Variants in MACROD2 observed in about 807,000 individuals in gnomAD.
MACROD2 encodes the protein ADP-ribose glycohydrolase MACROD2.
In MACROD2, 36 loss-of-function variants were observed where a neutral mutation model predicts 70.4. The ratio of observed to expected loss-of-function variants is 0.51; its 90% confidence interval spans 0.39 to 0.68. MACROD2 has a LOEUF of 0.68. Among genes scored for constraint, MACROD2 ranks in the 30% least tolerant of loss-of-function variants. The pLI, the probability that MACROD2 is intolerant of heterozygous loss-of-function variation, is 0.00. For synonymous variants in MACROD2, 172 were observed against 178.8 expected, an observed-to-expected ratio of 0.96 and a Z score of 0.30; for missense variants, 496 against 538.4, an observed-to-expected ratio of 0.92 and a Z score of 0.78.
intron 6 of MACROD2, among the ~76,000 whole-genome samples, chr20:15,391,623 T>G (rs1263408539): frequency 6.6e-6 from 1 of 152,230 alleles, no homozygotes; most frequent in Admixed American, 6.5e-5. Context: ...TTGGGATTTC[T>G]GGGAAGTCAC....
At chr20:14,621,998 C>T (rs1186473645) in intron 4 of MACROD2, 1 of 151,988 alleles carries the variant, frequency 6.6e-6, no homozygotes, top group Non-Finnish European at 1.5e-5. Context: ...TAAAATAATT[C>T]CTGCTTACCT....
chr20:15,941,269 A>G (rs1267133829), intron 12 of MACROD2, among the ~76,000 whole-genome samples: 2 of 152,166 alleles, frequency 1.3e-5, no homozygotes, highest in Non-Finnish European at 2.9e-5. Flanking sequence ...CTATTAACCT[A>G]TTTACTTAGG....
intron 3 of MACROD2, among the ~76,000 whole-genome samples, chr20:14,482,185 A>G (rs1377033378): frequency 4.6e-5 from 7 of 151,866 alleles, no homozygotes; most frequent in Admixed American, 1.3e-4. Flanking sequence ...CAGCTTCTGC[A>G]TGAGCCAGCA....
intron 5 of MACROD2, among the ~76,000 whole-genome samples, chr20:14,897,670 A>G (rs1199511768): frequency 6.6e-6 from 1 of 152,198 alleles, no homozygotes; most frequent in Non-Finnish European, 1.5e-5. Flanking sequence ...ATGGGGCAGA[A>G]AGGCAGAAGA....
intron 5 of MACROD2, among the ~76,000 whole-genome samples, chr20:15,102,404 A>T (rs562074421): frequency 6.6e-6 from 1 of 152,114 alleles, no homozygotes; most frequent in East Asian, 1.9e-4. Context: ...ATTTGAAGAC[A>T]CACAAATCCT....
chr20:14,133,043 A>G (rs563856090), intron 3 of MACROD2, among the ~76,000 whole-genome samples: 10 of 152,306 alleles, frequency 6.6e-5, no homozygotes, highest in African/African-American at 1.9e-4. Context: ...ACATGATCAC[A>G]TGATTATGGA....
intron 3 of MACROD2, among the ~76,000 whole-genome samples, chr20:14,171,304 T>G (rs934768916): frequency 5.3e-5 from 8 of 152,190 alleles, no homozygotes; most frequent in Non-Finnish European, 4.4e-5. Context: ...TTTTGTTTTA[T>G]TTATCTTTTG....
intron 5 of MACROD2, among the ~76,000 whole-genome samples, chr20:14,763,780 G>A (rs191657116): frequency 2.6e-5 from 4 of 152,194 alleles, no homozygotes; most frequent in South Asian, 2.1e-4. Context: ...ACTGCCTATC[G>A]GATAGCTGAG....
chr20:15,711,821 G>A (rs2050633913), intron 8 of MACROD2, among the ~76,000 whole-genome samples: 1 of 152,158 alleles, frequency 6.6e-6, no homozygotes, highest in African/African-American at 2.4e-5. Context: ...TTCCCATTTT[G>A]CTGAATCTCT....
intron 6 of MACROD2, among the ~76,000 whole-genome samples, chr20:15,237,022 GC>G (rs2145996848): frequency 6.6e-6 from 1 of 152,246 alleles, no homozygotes; most frequent in Admixed American, 6.5e-5. Flanking sequence ...ACTAGGGAGT[GC>G]CACAAGCATT....
chr20:14,389,325 G>A (rs1284619611), intron 3 of MACROD2, among the ~76,000 whole-genome samples: 2 of 150,582 alleles, frequency 1.3e-5, no homozygotes, highest in East Asian at 2.0e-4. Context: ...GGGAGGCTGC[G>A]GCAGGAGAAT....
chr20:15,277,738 G>A (rs112834577), intron 6 of MACROD2, among the ~76,000 whole-genome samples: 2 of 152,206 alleles, frequency 1.3e-5, no homozygotes, highest in African/African-American at 4.8e-5. Context: ...TGTCTAGCTG[G>A]GTGATTTGGG....
At chr20:14,707,586 C>T (rs1284981601) in intron 5 of MACROD2, among the ~76,000 whole-genome samples, 1 of 152,152 alleles carries the variant, frequency 6.6e-6, no homozygotes, top group African/African-American at 2.4e-5. Context: ...GGCTCACTCA[C>T]CACAGGCATA....
intron 5 of MACROD2, among the ~76,000 whole-genome samples, chr20:15,149,290 G>T (rs2145857975): frequency 6.6e-6 from 1 of 152,112 alleles, no homozygotes; most frequent in African/African-American, 2.4e-5. Flanking sequence ...TCTAAGAGGT[G>T]GGCTAGTGGC....
At chr20:15,871,694 G>A (rs2064586573) in intron 9 of MACROD2, among the ~76,000 whole-genome samples, 1 of 152,186 alleles carries the variant, frequency 6.6e-6, no homozygotes, top group South Asian at 2.1e-4. Flanking sequence ...GGGTAGAGAA[G>A]TTCACGTCTG....
intron 8 of MACROD2, among the ~76,000 whole-genome samples, chr20:15,855,357 A>G (rs1021767102): frequency 1.1e-4 from 16 of 152,094 alleles, no homozygotes; most frequent in Non-Finnish European, 2.4e-4. Context: ...ATACATCTTT[A>G]CTCCTTTATG....
chr20:15,571,852 A>G (rs1241635790), intron 8 of MACROD2, among the ~76,000 whole-genome samples: 1 of 152,162 alleles, frequency 6.6e-6, no homozygotes, highest in Non-Finnish European at 1.5e-5. Context: ...CTAAAAATAA[A>G]CATGTCATTA....
intron 4 of MACROD2, among the ~76,000 whole-genome samples, chr20:14,613,642 C>T (rs1983304322): frequency 2.6e-5 from 4 of 152,234 alleles, no homozygotes; most frequent in Middle Eastern, 6.8e-3. Context: ...GGCTCACTGA[C>T]TTCCAGTTAT....
chr20:14,297,311 T>C (rs1737349214), intron 3 of MACROD2, among the ~76,000 whole-genome samples: 1 of 151,890 alleles, frequency 6.6e-6, no homozygotes, highest in South Asian at 2.1e-4. Flanking sequence ...AAGCTAGACA[T>C]GATTAACCTT....
Sources: allele counts gnomAD v4.1 joint callset (sites outside exome capture counted in the v4.1 genomes callset), GRCh38; gene constraint gnomAD v4.1.1; transcripts MANE v1.5; gene names NCBI Gene and HGNC (gene_info 2026-07-23, HGNC 2026-07-21).